ASIC2: variants seen among roughly 807,000 people sequenced by gnomAD.
ASIC2 encodes acid-sensing ion channel 2.
A neutral mutation model predicts 57.3 loss-of-function variants in ASIC2; 25 were observed. That is an observed-to-expected ratio of 0.44 (90% CI 0.32 to 0.61). The LOEUF is 0.61. Among genes scored for constraint, ASIC2 ranks in the 20% least tolerant of loss-of-function variants. ASIC2 has a pLI of 0.06. For synonymous variants in ASIC2, 319 were observed against 307.5 expected, an observed-to-expected ratio of 1.04 and a Z score of -0.39; for missense variants, 641 against 738.1, an observed-to-expected ratio of 0.87 and a Z score of 1.52.
At chr17:33,171,473 CCAACA>C (rs1232030327) in intron 1 of ASIC2, among the ~76,000 whole-genome samples, 2 of 152,212 alleles carry the variant, frequency 1.3e-5, no homozygotes, top group East Asian at 3.8e-4. Context: ...ACTCCCCCAT[CCAACA>C]CATTACCAAG....
chr17:33,330,745 G>T (rs1372943584), intron 1 of ASIC2, among the ~76,000 whole-genome samples: 1 of 151,938 alleles, frequency 6.6e-6, no homozygotes, highest in African/African-American at 2.4e-5. Flanking sequence ...TTCTTTCTTT[G>T]TGGATGGGTT....
At chr17:33,087,386 C>A (rs748645736) in intron 3 of ASIC2, among the ~76,000 whole-genome samples, 2 of 152,040 alleles carry the variant, frequency 1.3e-5, no homozygotes, top group Non-Finnish European at 1.5e-5. Flanking sequence ...GCCAGGCTAA[C>A]CTTCCAGCAC....
intron 1 of ASIC2, among the ~76,000 whole-genome samples, chr17:33,743,498 G>A (rs1335727161): frequency 2.0e-5 from 3 of 152,232 alleles, no homozygotes; most frequent in African/African-American, 7.2e-5. Context: ...CATTATTCTG[G>A]ATGTTTCTAT....
chr17:33,707,293 C>A (rs932604775), intron 1 of ASIC2, among the ~76,000 whole-genome samples: 7 of 152,050 alleles, frequency 4.6e-5, no homozygotes, highest in Non-Finnish European at 8.8e-5. Context: ...GGCAAATTTT[C>A]TCATTCTAGC....
At chr17:33,038,745 A>G (rs2141915176) in intron 3 of ASIC2, among the ~76,000 whole-genome samples, 2 of 152,300 alleles carry the variant, frequency 1.3e-5, no homozygotes, top group Admixed American at 1.3e-4. Flanking sequence ...TTCATTTTGT[A>G]GAGAGAAGCT....
In ASIC2 at chr17:33,558,099, T is replaced by C. The variant is rs763515339; in HGVS notation, c.556-446032A>G. On this transcript the variant is annotated intron_variant, in intron 1 of 9. Coordinates refer to the ASIC2 transcript ENST00000359872. ...ATTAAAGATTTTTTTCTTGCGTATG[T>C]GTAGGGTCCAGCCCCACAGGGTTGG... 3.0e-4 allele frequency among the ~76,000 whole-genome samples: 46 copies of C among 152,054 alleles called. 1 individual carries two copies. Among genetic ancestry groups the C allele is most frequent in the Non-Finnish European group, 6.0e-4 (41 of 68,024 alleles).
At chr17:33,980,373 G>T (rs912573050) in intron 1 of ASIC2, among the ~76,000 whole-genome samples, 7 of 152,182 alleles carry the variant, frequency 4.6e-5, no homozygotes, top group African/African-American at 1.7e-4. Flanking sequence ...AACTTCCCCA[G>T]ATGAGCTTAG....
chr17:33,226,990 T>A (rs141902705), intron 1 of ASIC2, among the ~76,000 whole-genome samples: 2 of 137,040 alleles, frequency 1.5e-5, no homozygotes, highest in East Asian at 4.0e-4. Context: ...ATAATATTAT[T>A]GAAAAAAAGG....
intron 1 of ASIC2, among the ~76,000 whole-genome samples, chr17:33,546,304 T>C (rs1915577215): frequency 6.6e-6 from 1 of 152,176 alleles, no homozygotes; most frequent in Non-Finnish European, 1.5e-5. Flanking sequence ...TTGTGCTCTT[T>C]AATTGGATTC....
At chr17:33,578,989 A>G (rs1417259322) in intron 1 of ASIC2, among the ~76,000 whole-genome samples, 4 of 152,140 alleles carry the variant, frequency 2.6e-5, no homozygotes, top group African/African-American at 7.2e-5. Context: ...AAGCGGTTAT[A>G]GAATGCAGGT....
At chr17:33,850,194 G>A (rs1913726680) in intron 1 of ASIC2, among the ~76,000 whole-genome samples, 1 of 152,196 alleles carries the variant, frequency 6.6e-6, no homozygotes, top group South Asian at 2.1e-4. Flanking sequence ...AGAAGAATTG[G>A]AAGGGACCAT....
intron 1 of ASIC2, among the ~76,000 whole-genome samples, chr17:33,257,993 C>T (rs1909140809): frequency 6.6e-6 from 1 of 152,180 alleles, no homozygotes; most frequent in South Asian, 2.1e-4. Flanking sequence ...GTGCAAGGTG[C>T]TTAAATCATG....
At chr17:33,108,448 A>G (rs1274308233) in intron 2 of ASIC2, among the ~76,000 whole-genome samples, 4 of 152,124 alleles carry the variant, frequency 2.6e-5, no homozygotes, top group Non-Finnish European at 1.5e-5. Flanking sequence ...CCTCCTGATG[A>G]CTGTGGCAGG....
chr17:33,545,027 C>T (rs935999720), intron 1 of ASIC2, among the ~76,000 whole-genome samples: 2 of 152,054 alleles, frequency 1.3e-5, no homozygotes, highest in Non-Finnish European at 1.5e-5. Flanking sequence ...TATTTTACAC[C>T]CCTCTACCCA....
chr17:33,682,667 C>T (rs558711977), intron 1 of ASIC2, among the ~76,000 whole-genome samples: 8 of 152,142 alleles, frequency 5.3e-5, no homozygotes, highest in Admixed American at 3.9e-4. Context: ...CAGTGCAAAC[C>T]TTTAATGTTT....
intron 1 of ASIC2, among the ~76,000 whole-genome samples, chr17:34,033,390 T>C (rs566518497): frequency 6.6e-6 from 1 of 152,100 alleles, no homozygotes; most frequent in East Asian, 1.9e-4. Context: ...TTTATAGCAC[T>C]AAATGCCCAC....
At chr17:33,477,956 G>A (rs1306495128) in intron 1 of ASIC2, among the ~76,000 whole-genome samples, 2 of 152,190 alleles carry the variant, frequency 1.3e-5, no homozygotes, top group Non-Finnish European at 2.9e-5. Context: ...AAGTAGCCTG[G>A]GATGAAGCAG....
intron 1 of ASIC2, among the ~76,000 whole-genome samples, chr17:33,337,486 G>A (rs979958402): frequency 1.3e-5 from 2 of 149,290 alleles, no homozygotes; most frequent in Admixed American, 1.3e-4. Flanking sequence ...CCTGTGACCT[G>A]GTGCCATTTC....
chr17:33,485,104 C>T (rs1913534138), intron 1 of ASIC2, among the ~76,000 whole-genome samples: 1 of 151,330 alleles, frequency 6.6e-6, no homozygotes, highest in African/African-American at 2.5e-5. Context: ...TTGGGGCCCA[C>T]CTGCCCTGCA....
Sources: gnomAD v4.1 joint callset for allele counts (sites outside exome capture counted in the v4.1 genomes callset) on GRCh38, gnomAD v4.1.1 for gene constraint, MANE v1.5 for transcripts, NCBI Gene and HGNC (gene_info 2026-07-23, HGNC 2026-07-21) for gene names.